Variants in MFSD2A observed in about 807,000 individuals in gnomAD.
MFSD2A encodes MFSD2 lysolipid transporter A, lysophospholipid, also known as sodium-dependent lysophosphatidylcholine symporter 1.
Under a neutral mutation model 64.7 loss-of-function variants are expected in MFSD2A, and 27 were observed. The ratio of observed to expected loss-of-function variants is 0.42; its 90% confidence interval spans 0.31 to 0.58. The LOEUF (loss-of-function observed/expected upper bound fraction) is 0.58, where lower values mean the gene tolerates loss of function less well. Ranked by LOEUF, MFSD2A falls within the 20% of genes least tolerant of loss-of-function variation. The probability of loss-of-function intolerance (pLI) is 0.18; values close to 1 mark genes in which losing one functional copy is unlikely to be tolerated. For synonymous variants in MFSD2A, 258 were observed against 273.4 expected (o/e 0.94, Z 0.55); for missense variants, 474 against 679.5 (o/e 0.70, Z 3.36).
intron 3 of MFSD2A, chr1:39,962,768 G>T: frequency 1.0e-6 from 1 of 982,736 alleles, no homozygotes; most frequent in East Asian, 2.4e-5. Context: ...AGGACATGAA[G>T]ATCAAGTCCC....
chr1:39,968,620 T>G lies in MFSD2A; in HGVS notation c.1404T>G (p.Phe468Leu). 1 of 1,614,208 alleles carries G rather than the reference T, an allele frequency of 6.2e-7. No homozygotes were observed. Residue 468 changes from phenylalanine (F) to leucine (L), a missense_variant, in exon 13 of 14, where the codon TTT (phenylalanine) becomes TTG (leucine). Phe to Leu is a conservative substitution (Grantham distance 22). Transcript: ENST00000372811. The surrounding 1 kb of genome is among the most constrained non-coding windows in gnomAD (Gnocchi z 4.4). ...GCTCGCAGCCGGAACGTGTCAAGTTTACACTGAACATGCTCGTGACCATGG... is the reference window on the plus strand; with the variant it reads ...GCTCGCAGCCGGAACGTGTCAAGTTGACACTGAACATGCTCGTGACCATGG... The part of the protein sequence containing the change: ...RGCSQPERVK[F>L]TLNMLVTMAP...
rs762494205 is a variant in MFSD2A, at chr1:39,955,445, CA to C, written c.93+61del. 5 of 1,486,830 alleles carry C rather than the reference CA, an allele frequency of 3.4e-6. No homozygotes were observed. The highest frequency in any genetic ancestry group is 1.4e-5 in the African/African-American group (1 of 71,294). The allele number at this position is 1,486,830 out of a possible 1,614,324, so 92.1% of individuals were successfully genotyped here. A position where few individuals can be genotyped will look rare whatever the true frequency, so the allele number is the denominator to read the frequency against. On this transcript the variant is annotated intron_variant, in intron 1 of 13. Coordinates refer to ENST00000372811, the MANE Select transcript of MFSD2A (RefSeq NM_032793.5). The surrounding 1 kb of genome is among the most constrained non-coding windows in gnomAD (Gnocchi z 5.9). ...GAGGGAGGAGGCGGAAATGGGGGATCAGGGGCGTCCCGGGGTCGGCCTGGTC... is the reference window on the plus strand; with the variant it reads ...GAGGGAGGAGGCGGAAATGGGGGATCGGGGCGTCCCGGGGTCGGCCTGGTC...
rs775077442 is a variant in MFSD2A at position 39,967,123 on chromosome 1, C to A, written c.965C>A (p.Thr322Asn). 7.4e-6 allele frequency: 12 copies of A among 1,613,978 alleles called. No homozygotes were observed. The highest frequency in any genetic ancestry group is 9.3e-6 in the Non-Finnish European group (11 of 1,180,020). ...AACTTTGTCTTGTTTTGCACCTACACCTTGGGCTTCCGCAATGAATTCCAG... is the reference window on the plus strand; with the variant it reads ...AACTTTGTCTTGTTTTGCACCTACAACTTGGGCTTCCGCAATGAATTCCAG... ...EGNFVLFCTY[T>N]LGFRNEFQNL... The change falls in exon 9 of 14, where the codon ACC becomes AAC. Residue 322 changes from threonine to asparagine, a missense_variant. Coordinates refer to ENST00000372811, the MANE Select transcript of MFSD2A (RefSeq NM_032793.5).
chr1:39,967,517 C>G (rs1428679049), intron 9 of MFSD2A, 111 bp from the exon 10 acceptor site: 4 of 963,350 alleles, frequency 4.2e-6, no homozygotes, highest in African/African-American at 1.6e-5. Context: ...CACATGATGT[C>G]ATCTGGCTGC....
intron 3 of MFSD2A, among the ~76,000 whole-genome samples, chr1:39,961,387 C>G (rs904058128): frequency 5.2e-5 from 7 of 134,050 alleles, no homozygotes; most frequent in African/African-American, 1.4e-4. Context: ...CTCGCTCTGT[C>G]GCCCAGACTG....
At position 39,965,002 on chromosome 1, in the gene MFSD2A, C is replaced by T; in HGVS notation, c.354-209C>T. ...CACACTCCATGCCTAGGATTTCAGT[C>T]TGGGGTCCCAGTTCCCATCTGCCAT... On this transcript the variant is annotated intron_variant, in intron 3 of 13. Coordinates refer to ENST00000372811, the MANE Select transcript of MFSD2A (RefSeq NM_032793.5). This position sits in a 1 kb window ranked among gnomAD's most constrained non-coding sequence, Gnocchi z 5.5. 1.6e-6 allele frequency: 1 copy of T among 624,016 alleles called. No homozygotes were observed. Among genetic ancestry groups the T allele is most frequent in the Non-Finnish European group, 2.8e-6 (1 of 361,382 alleles). The allele number at this position is 624,016 out of a possible 1,614,324, so 38.7% of individuals were successfully genotyped here.
chr1:39,958,701 G>A lies in MFSD2A; in HGVS notation c.229G>A (p.Val77Met). 6.2e-7 allele frequency: 1 copy of A among 1,614,122 alleles called. No homozygotes were observed. The highest frequency in any genetic ancestry group is 8.5e-7 in the Non-Finnish European group (1 of 1,180,020). ...TGTCTTTTGCTTCTCCTCATTCCAG[G>A]TGGGCCCTTTCTCTGCCTCCATCAT... The part of the protein sequence containing the change: ...LQIYLLDVAQ[V>M]GPFSASIILF... The change falls in exon 3 of 14, where the codon GTG (valine) becomes ATG (methionine). Residue 77 changes from valine (V) to methionine (M), a missense_variant and splice_region_variant. By Grantham distance (21) the Val-to-Met change is conservative (BLOSUM62 1). Transcript: ENST00000372811. The surrounding 1 kb of genome is among the most constrained non-coding windows in gnomAD (Gnocchi z 4.7).
At position 39,968,800 on chromosome 1, in the gene MFSD2A, C is replaced by A. The variant is rs530347623; in HGVS notation, c.1529+55C>A. On this transcript the variant is annotated intron_variant, in intron 13 of 13. Coordinates refer to ENST00000372811, the MANE Select transcript of MFSD2A (RefSeq NM_032793.5). The surrounding 1 kb of genome is among the most constrained non-coding windows in gnomAD (Gnocchi z 4.4). ...GAGGGGACGTCACTGTGTCTAAACC[C>A]TCAATTTGTGTCTCCTGTGGCCAAG... 6.3e-7 allele frequency: 1 copy of A among 1,593,688 alleles called. No homozygotes were observed. Among genetic ancestry groups the A allele is most frequent in the South Asian group, 1.1e-5 (1 of 89,500 alleles).
Position 39,965,403 on chromosome 1 carries a change from G to A in MFSD2A, c.478-68G>A, listed in dbSNP as rs966620318. On this transcript the variant is annotated intron_variant, in intron 4 of 13. Transcript: ENST00000372811. The surrounding 1 kb of genome is among the most constrained non-coding windows in gnomAD (Gnocchi z 5.5). Reference sequence around the variant, plus strand: ...GAGGGCGGTCCTTGGGGCCCCCAGGGTTGGTACTGGAAGCTACATCAGTGT... The same window carrying A: ...GAGGGCGGTCCTTGGGGCCCCCAGGATTGGTACTGGAAGCTACATCAGTGT... The A allele has an allele frequency of 1.1e-5, 17 of 1,613,464 alleles. No individual in the cohort carries two copies. Among genetic ancestry groups the A allele is most frequent in the Non-Finnish European group, 8.5e-6 (10 of 1,179,730 alleles).
At chr1:39,956,277 C>T (rs1644925938) in intron 1 of MFSD2A, among the ~76,000 whole-genome samples, 1 of 152,194 alleles carries the variant, frequency 6.6e-6, no homozygotes, top group African/African-American at 2.4e-5. Flanking sequence ...CCGCCTGAAG[C>T]TCTGGCTGCC....
chr1:39,966,551 G>C (rs760088097), intron 6 of MFSD2A, 50 bp from the exon 7 acceptor site: 119 of 1,497,576 alleles, frequency 7.9e-5, no homozygotes, highest in Non-Finnish European at 1.0e-4. Flanking sequence ...TGGGGTGCTG[G>C]GATGAGCTCA....
Position 39,955,541 on chromosome 1 carries a change from A to T in MFSD2A, c.93+156A>T, listed in dbSNP as rs1017427920. ...AGAGGACCTGGGGGTGCCCTGGGAC[A>T]GGGGGTGACGGAGAAAAGCTGTGGG... On this transcript the variant is annotated intron_variant, in intron 1 of 13. Transcript: ENST00000372811. The surrounding 1 kb of genome is among the most constrained non-coding windows in gnomAD (Gnocchi z 5.9). 1 of 824,788 alleles carries T rather than the reference A, an allele frequency of 1.2e-6. No individual in the cohort carries two copies. Among genetic ancestry groups the T allele is most frequent in the Non-Finnish European group, 2.0e-6 (1 of 500,192 alleles). The allele number at this position is 824,788 out of a possible 1,614,324, so 51.1% of individuals were successfully genotyped here.
At chr1:39,966,547 G>T (rs766285292) in intron 6 of MFSD2A, 54 bp from the exon 7 acceptor site, 3 of 1,457,996 alleles carry the variant, frequency 2.1e-6, no homozygotes, top group Non-Finnish European at 2.9e-6. Context: ...GAACTGGGGT[G>T]CTGGGATGAG....
In MFSD2A at chr1:39,957,240, C is replaced by T. The variant is rs767894540; in HGVS notation, c.228+19C>T. On this transcript the variant is annotated intron_variant, in intron 2 of 13. Transcript: ENST00000372811. ...GGCTCAGGTGAGTGGTCTAAGCCTT[C>T]GAGGGCTCCTTCAGCATCCTGAGGT... is the stretch of plus-strand genomic sequence containing the variant. 1.6e-5 allele frequency: 24 copies of T among 1,528,596 alleles called. No individual in the cohort carries two copies. Among genetic ancestry groups the T allele is most frequent in the Middle Eastern group, 1.8e-4 (1 of 5,608 alleles). 94.7% of individuals were successfully genotyped at this position (1,528,596 alleles called of 1,614,324 possible).
At position 39,955,491 on chromosome 1, in the gene MFSD2A, C is replaced by A; in HGVS notation, c.93+106C>A. 1.7e-6 allele frequency: 2 copies of A among 1,206,886 alleles called. No individual in the cohort carries two copies. Among genetic ancestry groups the A allele is most frequent in the South Asian group, 2.6e-5 (2 of 76,708 alleles). 74.8% of individuals were successfully genotyped at this position (1,206,886 alleles called of 1,614,324 possible). On this transcript the variant is annotated intron_variant, in intron 1 of 13. Coordinates refer to ENST00000372811, the MANE Select transcript of MFSD2A (RefSeq NM_032793.5). The surrounding 1 kb of genome is among the most constrained non-coding windows in gnomAD (Gnocchi z 5.9). The stretch of plus-strand genomic sequence containing the variant: ...CTGGTCAGGGGACCATTGGGATAGC[C>A]AGGGACAGGAAGCCTACGAGCCAGA...
rs1645245360 is a variant in MFSD2A, at chr1:39,969,856, A to T, written c.*288A>T. On this transcript the variant is annotated 3_prime_UTR_variant, in exon 14 of 14. Coordinates refer to ENST00000372811, the MANE Select transcript of MFSD2A (RefSeq NM_032793.5). Reference sequence around the variant, plus strand: ...AATGTAGAAACCTTTTTTTTTACAGAGCCTAATTAATAACTTAATGACTGT... The same window carrying T: ...AATGTAGAAACCTTTTTTTTTACAGTGCCTAATTAATAACTTAATGACTGT... 2 of 465,744 alleles carry T rather than the reference A, an allele frequency of 4.3e-6. No homozygotes were observed. The highest frequency in any genetic ancestry group is 8.1e-5 in the East Asian group (2 of 24,614). The allele number at this position is 465,744 out of a possible 1,614,324, so 28.9% of individuals were successfully genotyped here. A position where few individuals can be genotyped will look rare whatever the true frequency, so the allele number is the denominator to read the frequency against.
In MFSD2A at chr1:39,965,152, G is replaced by T; in HGVS notation, c.354-59G>T. The T allele has an allele frequency of 6.2e-7, 1 of 1,607,948 alleles. No homozygotes were observed. The highest frequency in any genetic ancestry group is 1.1e-5 in the South Asian group (1 of 90,566). Reference sequence around the variant, plus strand: ...GACCCTGTGAGGCACAGCAGACTGGGCTGGGCCTGGTCCTGGGCTCCAGCC... The same window carrying T: ...GACCCTGTGAGGCACAGCAGACTGGTCTGGGCCTGGTCCTGGGCTCCAGCC... On this transcript the variant is annotated intron_variant, in intron 3 of 13. Transcript: ENST00000372811. The surrounding 1 kb of genome is among the most constrained non-coding windows in gnomAD (Gnocchi z 5.5).
In MFSD2A at chr1:39,958,764, C is replaced by T; in HGVS notation, c.292C>T (p.Pro98Ser). 6.2e-7 allele frequency: 1 copy of T among 1,614,026 alleles called. No homozygotes were observed. The highest frequency in any genetic ancestry group is 1.1e-5 in the South Asian group (1 of 91,076). Residue 98 changes from proline (P) to serine (S), a missense_variant, in exon 3 of 14, where the codon CCC (proline) becomes TCC (serine). Transcript: ENST00000372811. The surrounding 1 kb of genome is among the most constrained non-coding windows in gnomAD (Gnocchi z 4.7). ...VGRAWDAITDPLVGLCISKSP... is the reference protein window; with the variant it reads ...VGRAWDAITDSLVGLCISKSP... ...CCGAGCCTGGGATGCCATCACAGAC[C>T]CCCTGGTGGGCCTCTGCATCAGCAA...
At chr1:39,966,761 G>T (rs1390285250) in intron 7 of MFSD2A, 50 bp from the exon 8 acceptor site, 1 of 1,613,724 alleles carries the variant, frequency 6.2e-7, no homozygotes, top group South Asian at 1.1e-5. Context: ...TGGCCCTCAG[G>T]CTTTGGGAGG....
Sources: allele counts gnomAD v4.1 joint callset (sites outside exome capture counted in the v4.1 genomes callset), GRCh38; gene constraint gnomAD v4.1.1; non-coding constraint Gnocchi (gnomAD v3.1); transcripts MANE v1.5; gene names NCBI Gene and HGNC (gene_info 2026-07-23, HGNC 2026-07-21).